The following ROBO1 variants were observed in gnomAD, a reference collection of about 807,000 sequenced individuals.
The protein encoded by ROBO1 is roundabout guidance receptor 1.
In ROBO1, 149 loss-of-function variants were observed where a neutral mutation model predicts 195.9. The observed-to-expected ratio is 0.76, with a 90% CI of 0.67 to 0.87. The LOEUF (loss-of-function observed/expected upper bound fraction) is 0.87, where lower values mean the gene tolerates loss of function less well. Among genes scored for constraint, ROBO1 ranks in the 40% least tolerant of loss-of-function variants. ROBO1 has a pLI of 0.00. For missense variants in ROBO1, 1,933 were observed against 2,068.3 expected (o/e 0.93, Z 1.27); for synonymous variants, 816 against 733.2 (o/e 1.11, Z -1.82).
intron 2 of ROBO1, among the ~76,000 whole-genome samples, chr3:79,208,163 T>C (rs1034612718): frequency 6.6e-5 from 10 of 152,174 alleles, no homozygotes; most frequent in African/African-American, 2.4e-4. Context: ...TAATTGCCTG[T>C]GCCATCTCTC....
intron 2 of ROBO1, among the ~76,000 whole-genome samples, chr3:79,503,086 T>C (rs7640018): frequency 2.6e-5 from 4 of 151,736 alleles, no homozygotes; most frequent in Non-Finnish European, 4.4e-5. Context: ...TCTTTAGCTC[T>C]TTGCAATAAA....
intron 3 of ROBO1, among the ~76,000 whole-genome samples, chr3:78,991,036 C>T (rs1432347360): frequency 1.3e-5 from 2 of 152,154 alleles, no homozygotes; most frequent in African/African-American, 2.4e-5. Context: ...TTCCAACCAA[C>T]CATGTTAATT....
intron 1 of ROBO1, among the ~76,000 whole-genome samples, chr3:79,757,323 A>C (rs538410530): frequency 6.6e-6 from 1 of 152,278 alleles, no homozygotes; most frequent in African/African-American, 2.4e-5. Context: ...ATTCATTAAC[A>C]TTGTGATCAT....
chr3:78,877,099 A>T (rs1279860303), intron 4 of ROBO1, among the ~76,000 whole-genome samples: 1 of 152,208 alleles, frequency 6.6e-6, no homozygotes, highest in African/African-American at 2.4e-5. Flanking sequence ...CAGTGAATAC[A>T]ATTTATTAAA....
At chr3:79,135,139 G>T (rs1163053491) in intron 2 of ROBO1, among the ~76,000 whole-genome samples, 2 of 152,020 alleles carry the variant, frequency 1.3e-5, no homozygotes, top group Non-Finnish European at 2.9e-5. Context: ...TGGGTCTCTT[G>T]AACTTATTCC....
chr3:79,431,485 T>TTTC, intron 2 of ROBO1, among the ~76,000 whole-genome samples: 1 of 152,076 alleles, frequency 6.6e-6, no homozygotes, highest in Non-Finnish European at 1.5e-5. Flanking sequence ...TATCTTCTGT[T>TTTC]TTCTCCGGTT....
At chr3:79,572,018 A>G (rs936640638) in intron 2 of ROBO1, among the ~76,000 whole-genome samples, 3 of 152,168 alleles carry the variant, frequency 2.0e-5, no homozygotes, top group African/African-American at 7.2e-5. Flanking sequence ...AATGAAAAAT[A>G]CTATCCTTGT....
intron 4 of ROBO1, among the ~76,000 whole-genome samples, chr3:78,780,456 AT>A (rs527553669): frequency 3.2e-4 from 48 of 150,274 alleles, no homozygotes; most frequent in African/African-American, 7.6e-4. Context: ...GTATTTCTAG[AT>A]TTTTTTTTTC....
rs534938317 is a variant in ROBO1 at position 78,904,546 on chromosome 3, T to C, written c.499+34055A>G. Among the ~76,000 whole-genome samples, 4 of 152,016 alleles carry C rather than the reference T, an allele frequency of 2.6e-5. 1 individual carries two copies. Among genetic ancestry groups the C allele is most frequent in the South Asian group, 4.1e-4 (2 of 4,828 alleles). ...CAGTTGCATTTATGTCCATTAGGAA[T>C]TGGGGCTGGATAAATAAGCCGCAAA... On this transcript the variant is annotated intron_variant, in intron 4 of 30. Transcript: ENST00000464233.
rs553750922 is a variant in ROBO1 at position 78,935,497 on chromosome 3, A to C, written c.499+3104T>G. The stretch of plus-strand genomic sequence containing the variant: ...AGTTGTGTCAAAGATCTGTGTTATC[A>C]ATTTGTGACAGGCATAACATGGAGT... On this transcript the variant is annotated intron_variant, in intron 4 of 30. Transcript: ENST00000464233. Among the ~76,000 whole-genome samples, 70 of 152,200 alleles carry C rather than the reference A, an allele frequency of 4.6e-4. 1 individual carries two copies. The highest frequency in any genetic ancestry group is 2.5e-3 in the South Asian group (12 of 4,826).
chr3:79,717,925 T>G (rs1044105217), intron 1 of ROBO1, among the ~76,000 whole-genome samples: 4 of 152,016 alleles, frequency 2.6e-5, no homozygotes, highest in African/African-American at 4.8e-5. Context: ...TTCAATGCTT[T>G]TTGATTTTTG....
intron 2 of ROBO1, among the ~76,000 whole-genome samples, chr3:79,271,469 G>C (rs2030552161): frequency 6.6e-6 from 1 of 151,736 alleles, no homozygotes; most frequent in Non-Finnish European, 1.5e-5. Flanking sequence ...TTTTTATACT[G>C]GAAAATATTA....
At chr3:79,622,108 CA>C (rs1329375613) in intron 1 of ROBO1, among the ~76,000 whole-genome samples, 1 of 152,082 alleles carries the variant, frequency 6.6e-6, no homozygotes, top group African/African-American at 2.4e-5. Context: ...CCACAGAGGG[CA>C]GGGGAGCCAC....
At chr3:79,469,146 G>A (rs1435416615) in intron 2 of ROBO1, among the ~76,000 whole-genome samples, 1 of 152,022 alleles carries the variant, frequency 6.6e-6, no homozygotes, top group African/African-American at 2.4e-5. Context: ...AAATAATGGG[G>A]CATACATCTA....
intron 2 of ROBO1, among the ~76,000 whole-genome samples, chr3:79,448,346 A>G (rs1012442982): frequency 6.6e-6 from 1 of 152,226 alleles, no homozygotes; most frequent in African/African-American, 2.4e-5. Flanking sequence ...TTCTCTAAAC[A>G]TAGCACATAA....
intron 21 of ROBO1, among the ~76,000 whole-genome samples, chr3:78,644,483 G>T (rs901207094): frequency 1.3e-5 from 2 of 151,986 alleles, no homozygotes; most frequent in African/African-American, 2.4e-5. Context: ...AATCTTTATT[G>T]AACTGTTGCC....
chr3:79,658,226 C>T (rs548537918), intron 1 of ROBO1, among the ~76,000 whole-genome samples: 187 of 152,138 alleles, frequency 1.2e-3, no homozygotes, highest in Non-Finnish European at 2.1e-3. Context: ...GGAGTGCCCA[C>T]CCGTATGTCA....
At chr3:79,677,763 T>C (rs548586623) in intron 1 of ROBO1, among the ~76,000 whole-genome samples, 1 of 152,162 alleles carries the variant, frequency 6.6e-6, no homozygotes, top group African/African-American at 2.4e-5. Context: ...CTTAAAGATA[T>C]CAATTTTGCC....
At chr3:79,481,901 A>AG (rs1938882091) in intron 2 of ROBO1, among the ~76,000 whole-genome samples, 1 of 152,212 alleles carries the variant, frequency 6.6e-6, no homozygotes, top group African/African-American at 2.4e-5. Flanking sequence ...CAAGAGATTT[A>AG]CAGAAATGGA....
Sources: allele counts gnomAD v4.1 joint callset (sites outside exome capture counted in the v4.1 genomes callset), GRCh38; gene constraint gnomAD v4.1.1; transcripts MANE v1.5; gene names NCBI Gene and HGNC (gene_info 2026-07-23, HGNC 2026-07-21).